The following MCTP2 variants were observed in gnomAD, a reference collection of about 807,000 sequenced individuals.
The protein encoded by MCTP2 is multiple C2 and transmembrane domain-containing protein 2.
MCTP2 carries 132 observed loss-of-function variants against 111.6 expected under a neutral mutation model. That is an observed-to-expected ratio of 1.18 (90% CI 1.03 to 1.37). The LOEUF (loss-of-function observed/expected upper bound fraction) is 1.37. MCTP2 is among the 40% of genes most tolerant of loss of function. The probability of loss-of-function intolerance (pLI) is 0.00; values close to 1 mark genes in which losing one functional copy is unlikely to be tolerated. For synonymous variants in MCTP2, 395 were observed against 387.7 expected (o/e 1.02, Z -0.22); for missense variants, 1,183 against 1,067.9 (o/e 1.11, Z -1.50).
intron 9 of MCTP2, 80 bp downstream of exon 9, chr15:94,356,381 T>C: frequency 7.6e-7 from 1 of 1,323,476 alleles, no homozygotes; most frequent in South Asian, 1.7e-5. Context: ...CTTTAAATTT[T>C]ACAAAAGTAG....
chr15:94,233,986 G>A (rs1221197066), intron 1 of MCTP2, among the ~76,000 whole-genome samples: 2 of 152,146 alleles, frequency 1.3e-5, no homozygotes, highest in Admixed American at 6.5e-5. Context: ...CCCGTGAAGC[G>A]AGGATCAGGT....
At chr15:94,455,461 C>G (rs141975152) in intron 19 of MCTP2, among the ~76,000 whole-genome samples, 1 of 150,910 alleles carries the variant, frequency 6.6e-6, no homozygotes, top group African/African-American at 2.4e-5. Flanking sequence ...TTTTTTTAGA[C>G]GGAGTCTCGC....
At chr15:94,423,462 A>G (rs1225413961) in intron 17 of MCTP2, among the ~76,000 whole-genome samples, 1 of 152,208 alleles carries the variant, frequency 6.6e-6, no homozygotes, top group Non-Finnish European at 1.5e-5. Flanking sequence ...CACAAAAGGG[A>G]AAAGTACAAC....
At chr15:94,293,500 G>A (rs1198072146) in intron 1 of MCTP2, among the ~76,000 whole-genome samples, 3 of 152,160 alleles carry the variant, frequency 2.0e-5, no homozygotes. Context: ...CCCAGATGTT[G>A]ATAATACTGG....
chr15:94,407,076 A>T (rs1490113182), intron 17 of MCTP2, among the ~76,000 whole-genome samples: 2 of 152,112 alleles, frequency 1.3e-5, no homozygotes, highest in African/African-American at 4.8e-5. Context: ...TCAAAAGATA[A>T]CTTTGCATTG....
chr15:94,390,077 T>TAC lies in MCTP2; in HGVS notation c.1788+4553_1788+4554insCA, dbSNP rs1567602431. 1.2e-3 allele frequency among the ~76,000 whole-genome samples: 14 copies of TAC among 11,874 alleles called. No homozygotes were observed. The Admixed American group carries it at 0.013, about 11-fold the overall frequency. The allele number at this position is 11,874 out of a possible 152,430, so 7.8% of individuals were successfully genotyped here. A position where few individuals can be genotyped will look rare whatever the true frequency, so the allele number is the denominator to read the frequency against. ...ATATATATATATATATATATATATA[T>TAC]ATATATATATATGTATATATATATA... On this transcript the variant is annotated intron_variant, in intron 14 of 22. Transcript: ENST00000357742.
At chr15:94,411,300 C>G (rs72751330) in intron 17 of MCTP2, among the ~76,000 whole-genome samples, 1 of 99,136 alleles carries the variant, frequency 1.0e-5, no homozygotes, top group Admixed American at 1.0e-4. Context: ...TTTTTTTTTT[C>G]TTTTTTTGCA....
intron 8 of MCTP2, among the ~76,000 whole-genome samples, chr15:94,354,043 T>C (rs891177213): frequency 6.6e-6 from 1 of 151,688 alleles, no homozygotes; most frequent in Non-Finnish European, 1.5e-5. Flanking sequence ...TAATCATATA[T>C]TATTCCGGAT....
At chr15:94,422,084 A>C (rs778678949) in intron 17 of MCTP2, among the ~76,000 whole-genome samples, 6 of 152,172 alleles carry the variant, frequency 3.9e-5, no homozygotes, top group Non-Finnish European at 7.3e-5. Context: ...AATATGTAGA[A>C]GTCACATGTT....
At chr15:94,384,229 AT>A (rs1297434959) in intron 13 of MCTP2, 105 bp downstream of exon 13, 5 of 706,554 alleles carry the variant, frequency 7.1e-6, no homozygotes, top group East Asian at 2.8e-5. Flanking sequence ...AGTAAATTTT[AT>A]TGTTTTTTTC....
At position 94,373,848 on chromosome 15, in the gene MCTP2, C is replaced by G. The variant is rs149510167; in HGVS notation, c.1582+3668C>G. On this transcript the variant is annotated intron_variant, in intron 12 of 22. Coordinates refer to ENST00000357742, the MANE Select transcript of MCTP2 (RefSeq NM_001385001.1). ...TAACATTTTTAAGTAATAGGTGATG[C>G]AGCCTGATGTCATTACTTTTGTAGT... 2.0e-5 allele frequency among the ~76,000 whole-genome samples: 3 copies of G among 152,312 alleles called. No homozygotes were observed. In the East Asian group the frequency reaches 5.8e-4, roughly 29 times the overall value.
chr15:94,302,310 C>T (rs934210545), intron 2 of MCTP2, among the ~76,000 whole-genome samples: 2 of 152,178 alleles, frequency 1.3e-5, no homozygotes, highest in Non-Finnish European at 2.9e-5. Context: ...GACAGGACCC[C>T]AAATATCAGC....
chr15:94,269,202 T>C (rs2073774319), intron 1 of MCTP2, among the ~76,000 whole-genome samples: 1 of 152,176 alleles, frequency 6.6e-6, no homozygotes, highest in Non-Finnish European at 1.5e-5. Flanking sequence ...ATTCTGTCAG[T>C]TTTCAAGCTC....
chr15:94,298,439 T>G lies in MCTP2; in HGVS notation c.174T>G (p.Ala58=). ...LSLSVPDLLE[A]EALAPEGRPY... is the part of the protein sequence containing the mutation. ...TCTCTGTGCCTGATCTCCTGGAGGCTGAGGCCTTGGCCCCAGAGGGCCGGC... is the reference window on the plus strand; with the variant it reads ...TCTCTGTGCCTGATCTCCTGGAGGCGGAGGCCTTGGCCCCAGAGGGCCGGC... The change falls in exon 2 of 23, where the codon GCT becomes GCG. Residue 58 remains alanine, a synonymous_variant. Transcript: ENST00000357742. 6.2e-7 allele frequency: 1 copy of G among 1,614,162 alleles called. No homozygotes were observed. Among genetic ancestry groups the G allele is most frequent in the Non-Finnish European group, 8.5e-7 (1 of 1,180,000 alleles).
chr15:94,414,204 C>T (rs1286658802), intron 17 of MCTP2, among the ~76,000 whole-genome samples: 1 of 152,132 alleles, frequency 6.6e-6, no homozygotes, highest in East Asian at 1.9e-4. Context: ...TTCCCTAAGT[C>T]TTATGGTAAA....
At chr15:94,257,534 A>G (rs1441545113) in intron 1 of MCTP2, among the ~76,000 whole-genome samples, 1 of 135,810 alleles carries the variant, frequency 7.4e-6, no homozygotes, top group Non-Finnish European at 1.6e-5. Flanking sequence ...CAGAACTATC[A>G]CATTTTAAAA....
At chr15:94,333,337 T>G (rs2077213157) in intron 4 of MCTP2, among the ~76,000 whole-genome samples, 1 of 152,248 alleles carries the variant, frequency 6.6e-6, no homozygotes, top group South Asian at 2.1e-4. Context: ...AGTGTACATT[T>G]AAGCATATAA....
chr15:94,409,932 C>T lies in MCTP2; in HGVS notation c.2085+7913C>T, dbSNP rs556487565. On this transcript the variant is annotated intron_variant, in intron 17 of 22. Coordinates refer to ENST00000357742, the MANE Select transcript of MCTP2 (RefSeq NM_001385001.1). Reference sequence around the variant, plus strand: ...CTCCTTCCTCCTCACCCCATTTATCCCCTCTACTCTGCCTCTCTCCAGAAG... The same window carrying T: ...CTCCTTCCTCCTCACCCCATTTATCTCCTCTACTCTGCCTCTCTCCAGAAG... Among the ~76,000 whole-genome samples the T allele has an allele frequency of 1.6e-4, 24 of 148,636 alleles. No homozygotes were observed. The East Asian group carries it at 3.2e-3, about 20-fold the overall frequency.
intron 21 of MCTP2, among the ~76,000 whole-genome samples, chr15:94,471,615 G>T (rs541887081): frequency 1.3e-5 from 2 of 152,128 alleles, no homozygotes; most frequent in East Asian, 3.9e-4. Context: ...TTTAATACTT[G>T]ATGATCCTGA....
Sources: allele counts gnomAD v4.1 joint callset (sites outside exome capture counted in the v4.1 genomes callset), GRCh38; gene constraint gnomAD v4.1.1; transcripts MANE v1.5; gene names NCBI Gene and HGNC (gene_info 2026-07-23, HGNC 2026-07-21).